The following SIL1 variants were observed in gnomAD, a reference collection of about 807,000 sequenced individuals.
The protein encoded by SIL1 is SIL1 nucleotide exchange factor.
Under a neutral mutation model 49.1 loss-of-function variants are expected in SIL1, and 40 were observed. The observed-to-expected ratio is 0.81, with a 90% confidence interval of 0.63 to 1.06. SIL1 has a LOEUF of 1.06. Ranked by LOEUF, SIL1 falls within the 50% of genes least tolerant of loss-of-function variation. The pLI is 0.00. For synonymous variants in SIL1, 253 were observed against 250.8 expected (o/e 1.01, Z -0.08); for missense variants, 500 against 572.6 (o/e 0.87, Z 1.29).
At chr5:139,152,967 T>C (rs1413976429) in intron 1 of SIL1, among the ~76,000 whole-genome samples, 1 of 151,924 alleles carries the variant, frequency 6.6e-6, no homozygotes, top group Non-Finnish European at 1.5e-5. Flanking sequence ...TACAGGCATA[T>C]GCCACCACGC....
At chr5:139,043,038 G>C (rs1330054301) in intron 4 of SIL1, among the ~76,000 whole-genome samples, 1 of 152,148 alleles carries the variant, frequency 6.6e-6, no homozygotes, top group African/African-American at 2.4e-5. Context: ...CCCCAAGAAA[G>C]AAAATGTCCC....
At chr5:139,187,856 C>T (rs1373220306) in intron 1 of SIL1, 1 of 152,170 alleles carries the variant, frequency 6.6e-6, no homozygotes, top group Admixed American at 6.5e-5. Flanking sequence ...TGGGAGGTGA[C>T]TAAGTCATAG....
At chr5:139,083,230 G>T (rs889776725) in intron 3 of SIL1, among the ~76,000 whole-genome samples, 1 of 152,206 alleles carries the variant, frequency 6.6e-6, no homozygotes, top group Non-Finnish European at 1.5e-5. Flanking sequence ...CTTGAAGGTT[G>T]AGGACAATTT....
intron 3 of SIL1, among the ~76,000 whole-genome samples, chr5:139,081,563 G>A (rs958912728): frequency 2.0e-5 from 3 of 152,258 alleles, no homozygotes; most frequent in Non-Finnish European, 4.4e-5. Context: ...TGGAGCCTCC[G>A]TAGACTATGT....
At chr5:139,051,343 T>G in intron 3 of SIL1, 1 of 443,986 alleles carries the variant, frequency 2.3e-6, no homozygotes, top group South Asian at 2.1e-5. Flanking sequence ...CTCTTCTATG[T>G]CTTCTTGAGC....
intron 7 of SIL1, among the ~76,000 whole-genome samples, chr5:139,010,910 C>A (rs1204865417): frequency 6.7e-6 from 1 of 149,782 alleles, no homozygotes; most frequent in African/African-American, 2.4e-5. Context: ...TTACTGCTGT[C>A]TTTTTGTTTG....
intron 3 of SIL1, among the ~76,000 whole-genome samples, chr5:139,111,677 T>C (rs1313685998): frequency 6.6e-6 from 1 of 152,230 alleles, no homozygotes; most frequent in Non-Finnish European, 1.5e-5. Flanking sequence ...TGGCTATCGC[T>C]AACTGAAATT....
intron 3 of SIL1, among the ~76,000 whole-genome samples, chr5:139,084,016 C>T (rs1236093931): frequency 1.6e-5 from 2 of 128,410 alleles, no homozygotes; most frequent in East Asian, 4.9e-4. Context: ...TTTCTGAGGG[C>T]TCTGTTCTGT....
At chr5:139,177,325 C>T (rs748385807) in intron 1 of SIL1, among the ~76,000 whole-genome samples, 9 of 152,166 alleles carry the variant, frequency 5.9e-5, no homozygotes, top group East Asian at 1.9e-4. Flanking sequence ...CTGCAACCTC[C>T]GCCTCCTGCT....
At chr5:139,129,085 T>C (rs1278792470) in intron 1 of SIL1, among the ~76,000 whole-genome samples, 1 of 152,064 alleles carries the variant, frequency 6.6e-6, no homozygotes, top group East Asian at 1.9e-4. Context: ...AGGCAAAGGT[T>C]GCGGTGAGCT....
At chr5:139,149,209 C>A (rs1751251642) in intron 1 of SIL1, among the ~76,000 whole-genome samples, 1 of 152,162 alleles carries the variant, frequency 6.6e-6, no homozygotes, top group South Asian at 2.1e-4. Flanking sequence ...GCCATTTCAA[C>A]CCCAGGTGAG....
chr5:139,008,915 G>A (rs1268694935), intron 7 of SIL1, among the ~76,000 whole-genome samples: 2 of 151,670 alleles, frequency 1.3e-5, no homozygotes, highest in Non-Finnish European at 3.0e-5. Flanking sequence ...GTGTGGTGTG[G>A]TGCTGAAAAA....
At chr5:139,099,695 G>T (rs1318669881) in intron 3 of SIL1, among the ~76,000 whole-genome samples, 1 of 152,062 alleles carries the variant, frequency 6.6e-6, no homozygotes, top group East Asian at 1.9e-4. Context: ...AACATCATAT[G>T]TTCTTACTTA....
intron 3 of SIL1, among the ~76,000 whole-genome samples, chr5:139,091,482 T>C (rs1367500526): frequency 2.6e-5 from 4 of 152,178 alleles, no homozygotes; most frequent in South Asian, 2.1e-4. Context: ...GCTCATCACA[T>C]GACAAAGATA....
chr5:138,993,073 A>T, intron 7 of SIL1, among the ~76,000 whole-genome samples: 1 of 152,174 alleles, frequency 6.6e-6, no homozygotes, highest in East Asian at 1.9e-4. Context: ...TATAAAGACT[A>T]TATTTCTCGG....
chr5:138,975,566 C>T (rs1285410020), intron 7 of SIL1, among the ~76,000 whole-genome samples: 4 of 152,106 alleles, frequency 2.6e-5, no homozygotes, highest in Non-Finnish European at 5.9e-5. Context: ...CGGTCACCGG[C>T]GATCCCCACC....
chr5:139,148,754 C>A (rs577246954), intron 1 of SIL1, among the ~76,000 whole-genome samples: 1 of 152,346 alleles, frequency 6.6e-6, no homozygotes, highest in East Asian at 1.9e-4. Context: ...CCAGTTCTTT[C>A]TAGTTTCCTT....
intron 3 of SIL1, among the ~76,000 whole-genome samples, chr5:139,066,717 T>C (rs1321367637): frequency 1.3e-5 from 2 of 152,068 alleles, no homozygotes; most frequent in East Asian, 3.9e-4. Flanking sequence ...TTATTTATTA[T>C]TTTTTTGAGA....
intron 1 of SIL1, among the ~76,000 whole-genome samples, chr5:139,171,152 G>A (rs1751755488): frequency 6.6e-6 from 1 of 152,192 alleles, no homozygotes; most frequent in Non-Finnish European, 1.5e-5. Flanking sequence ...CGCCCCTACT[G>A]GGATGTGAGG....
Sources: gnomAD v4.1 joint callset for allele counts (sites outside exome capture counted in the v4.1 genomes callset) on GRCh38, gnomAD v4.1.1 for gene constraint, MANE v1.5 for transcripts, NCBI Gene and HGNC (gene_info 2026-07-23, HGNC 2026-07-21) for gene names.